Variants in PCDH15 observed in about 807,000 individuals in gnomAD.
PCDH15 encodes the protein protocadherin-15.
In PCDH15, 129 loss-of-function variants were observed where a neutral mutation model predicts 178.5. The ratio of observed to expected loss-of-function variants is 0.72; its 90% CI spans 0.63 to 0.84. PCDH15 has a LOEUF of 0.84. Among genes scored for constraint, PCDH15 ranks in the 40% least tolerant of loss-of-function variants. The probability of loss-of-function intolerance (pLI) is 0.00; values close to 1 mark genes in which losing one functional copy is unlikely to be tolerated. For synonymous variants in PCDH15, 800 were observed against 732.0 expected (o/e 1.09, Z -1.50); for missense variants, 2,230 against 2,099.9 (o/e 1.06, Z -1.21).
intron 2 of PCDH15, among the ~76,000 whole-genome samples, chr10:55,539,580 G>T (rs981729432): frequency 6.6e-6 from 1 of 151,992 alleles, no homozygotes; most frequent in Non-Finnish European, 1.5e-5. Context: ...AATACTATGT[G>T]CAAATTAATG....
At chr10:54,272,760 A>C (rs2058122781) in intron 8 of PCDH15, among the ~76,000 whole-genome samples, 1 of 152,084 alleles carries the variant, frequency 6.6e-6, no homozygotes, top group African/African-American at 2.4e-5. Flanking sequence ...GTATCTCTAC[A>C]TTCTAGGAAA....
intron 25 of PCDH15, among the ~76,000 whole-genome samples, chr10:53,924,351 G>A (rs1247976501): frequency 1.3e-5 from 2 of 152,212 alleles, no homozygotes; most frequent in African/African-American, 4.8e-5. Flanking sequence ...GGTGCACCGG[G>A]TCCCCCAGCA....
At chr10:55,044,375 T>C (rs2131980628) in intron 2 of PCDH15, among the ~76,000 whole-genome samples, 1 of 152,270 alleles carries the variant, frequency 6.6e-6, no homozygotes, top group African/African-American at 2.4e-5. Context: ...AACCTCCTAG[T>C]ATTAGAAAAC....
intron 2 of PCDH15, among the ~76,000 whole-genome samples, chr10:55,577,676 A>G (rs989328598): frequency 6.6e-6 from 1 of 152,204 alleles, no homozygotes; most frequent in African/African-American, 2.4e-5. Flanking sequence ...AATTGAAAAG[A>G]GTCAGTTAAC....
chr10:55,551,267 A>T lies in PCDH15; in HGVS notation c.-156+76358T>A, dbSNP rs537558536. On this transcript the variant is annotated intron_variant, in intron 2 of 5. Transcript: ENST00000613346. ...TTTAACCTCAAGATTTTTAATTCATAAAACTGAATCACACTGCTAAATTTA... is the reference window on the plus strand; with the variant it reads ...TTTAACCTCAAGATTTTTAATTCATTAAACTGAATCACACTGCTAAATTTA... Among the ~76,000 whole-genome samples, 8 of 152,118 alleles carry T rather than the reference A, an allele frequency of 5.3e-5. No individual in the cohort carries two copies. The South Asian group carries it at 1.2e-3, about 24-fold the overall frequency.
chr10:54,334,082 T>TG (rs1940486938), intron 6 of PCDH15, among the ~76,000 whole-genome samples: 1 of 152,192 alleles, frequency 6.6e-6, no homozygotes, highest in Non-Finnish European at 1.5e-5. Context: ...GCTGACTACC[T>TG]GCACTGTATT....
At chr10:53,823,211 G>A (rs753510052) in intron 32 of PCDH15, 1 of 1,614,014 alleles carries the variant, frequency 6.2e-7, no homozygotes, top group South Asian at 1.1e-5. Context: ...ACTTCAGTTT[G>A]TTGCTCTTAA....
intron 8 of PCDH15, among the ~76,000 whole-genome samples, chr10:54,303,754 C>T (rs1310282843): frequency 6.6e-6 from 1 of 152,096 alleles, no homozygotes; most frequent in Non-Finnish European, 1.5e-5. Context: ...ACCAAAGCAA[C>T]CAGACTGACA....
At chr10:54,889,594 T>C (rs1394985758) in intron 3 of PCDH15, among the ~76,000 whole-genome samples, 2 of 150,174 alleles carry the variant, frequency 1.3e-5, no homozygotes, top group Admixed American at 1.3e-4. Flanking sequence ...GCCTGATAAA[T>C]CCACACATGA....
intron 3 of PCDH15, among the ~76,000 whole-genome samples, chr10:54,401,698 C>T (rs1452824968): frequency 6.6e-6 from 1 of 151,790 alleles, no homozygotes; most frequent in Non-Finnish European, 1.5e-5. Context: ...GCTAAAATCT[C>T]CTCATGTAAT....
Position 54,153,162 on chromosome 10 carries a change from T to C in PCDH15, c.1722A>G (p.Ile574Met). The change falls in exon 14 of 38, where the codon ATA (isoleucine) becomes ATG (methionine). Residue 574 changes from isoleucine to methionine, a missense_variant. Physicochemically the swap from Ile to Met is conservative, Grantham distance 10. Transcript: ENST00000644397. ...CCGTGAGTGCGTAAGTCCGCCCGAC[T>C]ATCATTTCCACCCCTGGAGCGATGG... is the stretch of plus-strand genomic sequence containing the variant. ...LITIAPGVEM[I>M]VGRTYALTVQ... The C allele has an allele frequency of 6.2e-7, 1 of 1,613,972 alleles. No homozygotes were observed. The highest frequency in any genetic ancestry group is 8.5e-7 in the Non-Finnish European group (1 of 1,179,898).
At chr10:54,621,591 T>C (rs1305035002) in intron 2 of PCDH15, among the ~76,000 whole-genome samples, 2 of 151,930 alleles carry the variant, frequency 1.3e-5, no homozygotes, top group African/African-American at 2.4e-5. Flanking sequence ...ATAGTCTCTA[T>C]CTATTTTTCT....
At chr10:54,629,442 T>C (rs2093642609) in intron 2 of PCDH15, among the ~76,000 whole-genome samples, 1 of 152,154 alleles carries the variant, frequency 6.6e-6, no homozygotes, top group Non-Finnish European at 1.5e-5. Context: ...TGGTTCAACA[T>C]ACGCAAATCA....
chr10:54,410,179 A>G (rs547028513), intron 3 of PCDH15, among the ~76,000 whole-genome samples: 4 of 152,186 alleles, frequency 2.6e-5, no homozygotes, highest in Admixed American at 6.6e-5. Flanking sequence ...AGGCCACAAT[A>G]TTTGCTGCCT....
chr10:55,337,223 T>C (rs1013566169), intron 2 of PCDH15, among the ~76,000 whole-genome samples: 4 of 152,052 alleles, frequency 2.6e-5, no homozygotes, highest in African/African-American at 9.7e-5. Flanking sequence ...GTGGGTTGGG[T>C]TGGAGAAAAA....
At chr10:54,271,086 TAAAC>T (rs766856026) in intron 8 of PCDH15, among the ~76,000 whole-genome samples, 35 of 152,206 alleles carry the variant, frequency 2.3e-4, no homozygotes, top group Non-Finnish European at 3.2e-4. Context: ...GATAAGGGAA[TAAAC>T]AAACAGATAA....
chr10:54,058,101 T>C lies in PCDH15; in HGVS notation c.2220+8656A>G, dbSNP rs145774545. On this transcript the variant is annotated intron_variant, in intron 18 of 37. Transcript: ENST00000644397. ...CTTCCTGCCTTTTGAGCCCTCCAAG[T>C]CTCTAGGAAGTACCAAACTTTCCCA... Among the ~76,000 whole-genome samples, 555 of 152,190 alleles carry C rather than the reference T, an allele frequency of 3.6e-3. 5 individuals are homozygous for C. Among genetic ancestry groups the C allele is most frequent in the African/African-American group, 0.012 (508 of 41,528 alleles).
At chr10:54,578,679 T>A (rs2090746949) in intron 2 of PCDH15, among the ~76,000 whole-genome samples, 1 of 152,128 alleles carries the variant, frequency 6.6e-6, no homozygotes, top group Admixed American at 6.6e-5. Context: ...AAGCATTCCA[T>A]AAGAACTTAA....
intron 13 of PCDH15, among the ~76,000 whole-genome samples, chr10:54,171,713 T>C (rs1257660854): frequency 1.3e-5 from 2 of 152,144 alleles, no homozygotes; most frequent in East Asian, 3.9e-4. Context: ...TCTAATCAGA[T>C]ATCCTGAGTT....
Sources: allele counts gnomAD v4.1 joint callset (sites outside exome capture counted in the v4.1 genomes callset), GRCh38; gene constraint gnomAD v4.1.1; transcripts MANE v1.5; gene names NCBI Gene and HGNC (gene_info 2026-07-23, HGNC 2026-07-21).